The following MRRF variants were observed in gnomAD, a reference collection of about 807,000 sequenced individuals.
The protein encoded by MRRF is mitochondrial ribosome recycling factor, also known as ribosome-recycling factor, mitochondrial.
In MRRF, 18 loss-of-function variants were observed where a neutral mutation model predicts 25.1. The ratio of observed to expected loss-of-function variants is 0.72; its 90% CI spans 0.50 to 1.06. The LOEUF is 1.06. Ranked by LOEUF, MRRF falls within the 50% of genes least tolerant of loss-of-function variation. The pLI is 0.00. For missense variants in MRRF, 323 were observed against 319.3 expected (o/e 1.01, Z -0.09); for synonymous variants, 113 against 112.1 (o/e 1.01, Z -0.05).
In MRRF at chr9:122,270,981, A is replaced by C; in HGVS notation, c.90A>C (p.Thr30=). 6.2e-7 allele frequency: 1 copy of C among 1,614,152 alleles called. No homozygotes were observed. Among genetic ancestry groups the C allele is most frequent in the Non-Finnish European group, 8.5e-7 (1 of 1,180,010 alleles). ...AASIRPVSEV[T]LKTVHERQHG... is the part of the protein sequence containing the mutation. ...CTATCAGACCCGTTTCAGAAGTTACACTGAAGACAGTGCATGAAAGACAAC... is the reference window on the plus strand; with the variant it reads ...CTATCAGACCCGTTTCAGAAGTTACCCTGAAGACAGTGCATGAAAGACAAC... Residue 30 remains threonine, a synonymous_variant, in exon 2 of 7, where the codon ACA becomes ACC. Coordinates refer to ENST00000344641, the MANE Select transcript of MRRF (RefSeq NM_138777.5).
chr9:122,316,384 CA>C (rs1156722339), intron 6 of MRRF, among the ~76,000 whole-genome samples: 1 of 152,052 alleles, frequency 6.6e-6, no homozygotes, highest in East Asian at 1.9e-4. Context: ...CCATGTTTGC[CA>C]GGCTGGTCTT....
Position 122,291,766 on chromosome 9 carries a change from C to A in MRRF, c.477C>A (p.Ile159=), listed in dbSNP as rs542061121. 4.2e-5 allele frequency: 67 copies of A among 1,612,994 alleles called. 1 individual carries two copies. The South Asian group carries it at 6.9e-4, about 17-fold the overall frequency. ...GTTTTCAGTGTACAGCTGCAGCTAT[C>A]AAGGCTATAAGAGAAAGTGGAATGA... ...ASFPECTAAA[I]KAIRESGMNL... The change falls in exon 5 of 7, where the codon ATC becomes ATA. Residue 159 remains isoleucine (I), a synonymous_variant. Coordinates refer to ENST00000344641, the MANE Select transcript of MRRF (RefSeq NM_138777.5).
chr9:122,285,954 G>A (rs1833378659), intron 4 of MRRF: 2 of 1,303,694 alleles, frequency 1.5e-6, no homozygotes, highest in Non-Finnish European at 2.0e-6. Context: ...AAGGTGGGTT[G>A]TATTAGGTCA....
rs368352984 is a variant in MRRF, at chr9:122,318,231, A to G, written c.712-4309A>G. ...TTTCCTCACCTGTTCCCCCCACCCC[A>G]CTACTTCCCAACCCGCATTCCAGGC... On this transcript the variant is annotated intron_variant, in intron 6 of 6. Coordinates refer to ENST00000344641, the MANE Select transcript of MRRF (RefSeq NM_138777.5). 2.8e-5 allele frequency among the ~76,000 whole-genome samples: 4 copies of G among 143,800 alleles called. No homozygotes were observed. In the South Asian group the frequency reaches 6.6e-4, roughly 24 times the overall value. The allele number at this position is 143,800 out of a possible 152,430, so 94.3% of individuals were successfully genotyped here. A position where few individuals can be genotyped will look rare whatever the true frequency, so the allele number is the denominator to read the frequency against.
At chr9:122,297,483 C>G (rs1834164452) in intron 5 of MRRF, among the ~76,000 whole-genome samples, 1 of 151,664 alleles carries the variant, frequency 6.6e-6, no homozygotes, top group Non-Finnish European at 1.5e-5. Context: ...AAAAAAAAAA[C>G]TTAACAGTGT....
rs186425351 is a variant in MRRF, at chr9:122,330,893, G to C, written c.*8276G>C. 1 of 152,434 alleles carries C rather than the reference G, an allele frequency of 6.6e-6. No individual in the cohort carries two copies. The highest frequency in any genetic ancestry group is 6.5e-5 in the Admixed American group (1 of 15,304). 9.4% of individuals were successfully genotyped at this position (152,434 alleles called of 1,614,324 possible). A position where few individuals can be genotyped will look rare whatever the true frequency, so the allele number is the denominator to read the frequency against. On this transcript the variant is annotated 3_prime_UTR_variant, in exon 7 of 7. Coordinates refer to ENST00000344641, the MANE Select transcript of MRRF (RefSeq NM_138777.5). The surrounding 1 kb of genome is among the most constrained non-coding windows in gnomAD (Gnocchi z 4.2). ...TGCAGTGAGCCAAGATTGCACCACT[G>C]CACTGCAGCATGGGCAACAGAGCGA...
In MRRF at chr9:122,328,824, T is replaced by G. The variant is rs1836209950; in HGVS notation, c.*6207T>G. The G allele has an allele frequency of 6.6e-6, 1 of 152,086 alleles. No homozygotes were observed. Among genetic ancestry groups the G allele is most frequent in the Admixed American group, 6.5e-5 (1 of 15,270 alleles). 9.4% of individuals were successfully genotyped at this position (152,086 alleles called of 1,614,324 possible). A position where few individuals can be genotyped will look rare whatever the true frequency, so the allele number is the denominator to read the frequency against. ...TGGAATAAACAAATAAGTGATTATC[T>G]CTGTCTGCCTCTTTGTCTCTCTCTC... On this transcript the variant is annotated 3_prime_UTR_variant, in exon 7 of 7. Transcript: ENST00000344641.
intron 5 of MRRF, among the ~76,000 whole-genome samples, chr9:122,307,994 G>T (rs1834963488): frequency 6.6e-6 from 1 of 152,192 alleles, no homozygotes; most frequent in Non-Finnish European, 1.5e-5. Context: ...ATTCTCTGTT[G>T]TGTGAGTTAG....
chr9:122,289,337 C>CTT (rs1833609667), intron 4 of MRRF, among the ~76,000 whole-genome samples: 1 of 152,310 alleles, frequency 6.6e-6, no homozygotes, highest in East Asian at 1.9e-4. Context: ...ACCTGGCACT[C>CTT]TAACTTGTAC....
In MRRF at chr9:122,326,408, G is replaced by A. The variant is rs969112064; in HGVS notation, c.*3791G>A. 6.6e-6 allele frequency: 1 copy of A among 152,006 alleles called. No individual in the cohort carries two copies. Among genetic ancestry groups the A allele is most frequent in the Non-Finnish European group, 1.5e-5 (1 of 68,002 alleles). The allele number at this position is 152,006 out of a possible 1,614,324, so 9.4% of individuals were successfully genotyped here. On this transcript the variant is annotated 3_prime_UTR_variant, in exon 7 of 7. Transcript: ENST00000344641. Reference sequence around the variant, plus strand: ...TTACAGGCATGAACCACTGCGCCCGGCCATATAATTTTTTAGAAGGAGAGA... The same window carrying A: ...TTACAGGCATGAACCACTGCGCCCGACCATATAATTTTTTAGAAGGAGAGA...
At chr9:122,312,207 TCA>T (rs1327404105) in intron 5 of MRRF, among the ~76,000 whole-genome samples, 1 of 152,188 alleles carries the variant, frequency 6.6e-6, no homozygotes, top group Non-Finnish European at 1.5e-5. Flanking sequence ...CATGGGCAAG[TCA>T]CTTAACATCT....
At chr9:122,283,458 G>T (rs1471057240) in intron 3 of MRRF, among the ~76,000 whole-genome samples, 1 of 152,072 alleles carries the variant, frequency 6.6e-6, no homozygotes, top group East Asian at 1.9e-4. Context: ...GCTGAAGGGG[G>T]TCTACCCATG....
Position 122,313,503 on chromosome 9 carries a change from C to G in MRRF, c.711+117C>G. 6.8e-6 allele frequency: 8 copies of G among 1,178,426 alleles called. No homozygotes were observed. In the South Asian group the frequency reaches 8.7e-5, roughly 13 times the overall value. The allele number at this position is 1,178,426 out of a possible 1,614,324, so 73.0% of individuals were successfully genotyped here. A position where few individuals can be genotyped will look rare whatever the true frequency, so the allele number is the denominator to read the frequency against. ...CTCTGATCTTTCATTCACATTATCA[C>G]CATTGTCTGAGTCTCTGTTCTGGGC... is the stretch of plus-strand genomic sequence containing the variant. On this transcript the variant is annotated intron_variant, in intron 6 of 6. Coordinates refer to ENST00000344641, the MANE Select transcript of MRRF (RefSeq NM_138777.5).
At chr9:122,293,453 C>T (rs1026393598) in intron 5 of MRRF, among the ~76,000 whole-genome samples, 1 of 152,168 alleles carries the variant, frequency 6.6e-6, no homozygotes, top group African/African-American at 2.4e-5. Context: ...ATGCAGACAA[C>T]AAGAATCAAT....
Position 122,280,553 on chromosome 9 carries a change from C to T in MRRF, c.295C>T (p.Leu99Phe), listed in dbSNP as rs565042307. The change falls in exon 3 of 7, where the codon CTC (leucine) becomes TTC (phenylalanine). Residue 99 changes from leucine to phenylalanine, a missense_variant. Leu to Phe is a conservative substitution (Grantham distance 22, BLOSUM62 0). Coordinates refer to ENST00000344641, the MANE Select transcript of MRRF (RefSeq NM_138777.5). ...NEEMKSVIEA[L>F]KDNFNKTLNI... ...AGAAATGAAGTCTGTGATAGAAGCTCTCAAGGATAATTTCAATAAGACTCT... is the reference window on the plus strand; with the variant it reads ...AGAAATGAAGTCTGTGATAGAAGCTTTCAAGGATAATTTCAATAAGACTCT... 3.7e-5 allele frequency: 59 copies of T among 1,614,018 alleles called. 1 individual carries two copies. In the South Asian group the frequency reaches 6.0e-4, roughly 17 times the overall value.
At position 122,323,271 on chromosome 9, in the gene MRRF, C is replaced by T. The variant is rs555571155; in HGVS notation, c.*654C>T. On this transcript the variant is annotated 3_prime_UTR_variant, in exon 7 of 7. Coordinates refer to ENST00000344641, the MANE Select transcript of MRRF (RefSeq NM_138777.5). ...TTGGATATCACGTCCTCTGGGAAGTCTTCTTTTCCCCTCTAACCTAGGACC... is the reference window on the plus strand; with the variant it reads ...TTGGATATCACGTCCTCTGGGAAGTTTTCTTTTCCCCTCTAACCTAGGACC... 2 of 157,018 alleles carry T rather than the reference C, an allele frequency of 1.3e-5. No individual in the cohort carries two copies. Among genetic ancestry groups the T allele is most frequent in the East Asian group, 3.8e-4 (2 of 5,324 alleles). The allele number at this position is 157,018 out of a possible 1,614,324, so 9.7% of individuals were successfully genotyped here. A position where few individuals can be genotyped will look rare whatever the true frequency, so the allele number is the denominator to read the frequency against.
chr9:122,273,222 TG>T (rs1832570724), intron 2 of MRRF, among the ~76,000 whole-genome samples: 1 of 151,982 alleles, frequency 6.6e-6, no homozygotes, highest in African/African-American at 2.4e-5. Flanking sequence ...GAGGCCAAGG[TG>T]GTTGGATTGC....
chr9:122,306,689 A>G (rs1013897223), intron 5 of MRRF, among the ~76,000 whole-genome samples: 1 of 152,162 alleles, frequency 6.6e-6, no homozygotes, highest in Admixed American at 6.5e-5. Context: ...CGCATGTATG[A>G]TGGAGCTGAG....
At chr9:122,270,031 G>A (rs1377365494) in intron 1 of MRRF, among the ~76,000 whole-genome samples, 1 of 151,884 alleles carries the variant, frequency 6.6e-6, no homozygotes, top group African/African-American at 2.4e-5. Flanking sequence ...CAAAATTTTA[G>A]GATGGGATTT....
Sources: allele counts gnomAD v4.1 joint callset (sites outside exome capture counted in the v4.1 genomes callset), GRCh38; gene constraint gnomAD v4.1.1; non-coding constraint Gnocchi (gnomAD v3.1); transcripts MANE v1.5; gene names NCBI Gene and HGNC (gene_info 2026-07-23, HGNC 2026-07-21).